Variants in GRK6 observed in about 807,000 individuals in gnomAD.
GRK6 encodes G protein-coupled receptor kinase 6.
In GRK6, 37 loss-of-function variants were observed where a neutral mutation model predicts 80.8. That is an observed-to-expected ratio of 0.46 (90% confidence interval 0.35 to 0.60). GRK6 has a LOEUF of 0.60. GRK6 is among the 20% of genes least tolerant of loss of function. The pLI, the probability that GRK6 is intolerant of heterozygous loss-of-function variation, is 0.00. For missense variants in GRK6, 560 were observed against 784.6 expected (o/e 0.71, Z 3.42); for synonymous variants, 295 against 320.9 (o/e 0.92, Z 0.86).
Position 177,436,381 on chromosome 5 carries a change from C to A in GRK6, c.1267-12C>A, listed in dbSNP as rs1428506352. 6.8e-7 allele frequency: 1 copy of A among 1,461,830 alleles called. No homozygotes were observed. The allele number at this position is 1,461,830 out of a possible 1,614,324, so 90.6% of individuals were successfully genotyped here. The stretch of plus-strand genomic sequence containing the variant: ...CTGCCTGGCCTGCCTGGCCGACTCA[C>A]CCCTGCCACAGCTCCTCTGCAAGGA... On this transcript the variant is annotated splice_polypyrimidine_tract_variant and intron_variant, in intron 12 of 15. Transcript: ENST00000355472.
Position 177,429,121 on chromosome 5 carries a change from T to C in GRK6, c.53-1751T>C, listed in dbSNP as rs1763784023. On this transcript the variant is annotated intron_variant, in intron 1 of 15. Transcript: ENST00000355472. The surrounding 1 kb of genome is among the most constrained non-coding windows in gnomAD (Gnocchi z 4.3). Reference sequence around the variant, plus strand: ...TCTGGGCTTGGTCATCTTGGGTGAATTGATTCCTCACTTCAGAATCTCAGT... The same window carrying C: ...TCTGGGCTTGGTCATCTTGGGTGAACTGATTCCTCACTTCAGAATCTCAGT... Among the ~76,000 whole-genome samples, 1 of 152,120 alleles carries C rather than the reference T, an allele frequency of 6.6e-6. No homozygotes were observed. Among genetic ancestry groups the C allele is most frequent in the South Asian group, 2.1e-4 (1 of 4,830 alleles).
chr5:177,440,654 G>A, intron 13 of GRK6, 46 bp from the exon 14 acceptor site: 2 of 1,606,026 alleles, frequency 1.2e-6, no homozygotes, highest in Non-Finnish European at 1.7e-6. Flanking sequence ...GCCTTCGCGT[G>A]TGCGTGTGTG....
intron 3 of GRK6, 58 bp downstream of exon 3, chr5:177,432,165 G>GC (rs1276314945): frequency 1.2e-6 from 2 of 1,608,566 alleles, no homozygotes; most frequent in African/African-American, 1.3e-5. Context: ...GGCCCCATGT[G>GC]CCCCTCCTCC....
chr5:177,434,624 G>A (rs910370897), intron 9 of GRK6, among the ~76,000 whole-genome samples: 1 of 152,178 alleles, frequency 6.6e-6, no homozygotes, highest in Non-Finnish European at 1.5e-5. Context: ...ACCAAGGGGT[G>A]GAGACTCCTT....
At chr5:177,432,997 G>A (rs1269516035) in intron 5 of GRK6, 150 bp from the exon 6 acceptor site, 1 of 773,406 alleles carries the variant, frequency 1.3e-6, no homozygotes, top group Non-Finnish European at 2.2e-6. Flanking sequence ...CACAGGCTGT[G>A]TGTCTCCCCG....
Position 177,428,928 on chromosome 5 carries a change from T to C in GRK6, c.53-1944T>C, listed in dbSNP as rs1222073050. 6.6e-6 allele frequency among the ~76,000 whole-genome samples: 1 copy of C among 152,120 alleles called. No homozygotes were observed. The highest frequency in any genetic ancestry group is 6.6e-5 in the Admixed American group (1 of 15,264). ...GCCCCTGACGGCTTCTCAAGTGATCTGAGGCCCCAGGTGGGGTTTGGGAAC... is the reference window on the plus strand; with the variant it reads ...GCCCCTGACGGCTTCTCAAGTGATCCGAGGCCCCAGGTGGGGTTTGGGAAC... On this transcript the variant is annotated intron_variant, in intron 1 of 15. Coordinates refer to ENST00000355472, the MANE Select transcript of GRK6 (RefSeq NM_001004106.3). This position sits in a 1 kb window ranked among gnomAD's most constrained non-coding sequence, Gnocchi z 4.1.
intron 1 of GRK6, among the ~76,000 whole-genome samples, chr5:177,430,448 T>G (rs1763839073): frequency 1.3e-5 from 2 of 152,226 alleles, no homozygotes. Flanking sequence ...GGGAGCCTCC[T>G]TGTCCCCATG....
In GRK6 at chr5:177,434,107, G is replaced by T. The variant is rs1472226872; in HGVS notation, c.929+3G>T. On this transcript the variant is annotated splice_donor_region_variant and intron_variant, in intron 9 of 15. Coordinates refer to ENST00000355472, the MANE Select transcript of GRK6 (RefSeq NM_001004106.3). ...CACCGGGAGCGCATCGTGTACAGGT[G>T]GGGAGGGCTCGGCCACCCCAGGGGC... is the stretch of plus-strand genomic sequence containing the variant. 3 of 1,556,912 alleles carry T rather than the reference G, an allele frequency of 1.9e-6. No homozygotes were observed. The highest frequency in any genetic ancestry group is 2.3e-5 in the East Asian group (1 of 44,002).
chr5:177,441,623 C>G (rs1764503666), intron 15 of GRK6, 114 bp from the exon 16 acceptor site: 2 of 894,374 alleles, frequency 2.2e-6, no homozygotes, highest in Middle Eastern at 2.2e-4. Context: ...AGAGTGCACC[C>G]CTCAGGCAGC....
In GRK6 at chr5:177,430,919, C is replaced by T; in HGVS notation, c.100C>T (p.Leu34Phe). The T allele has an allele frequency of 6.2e-7, 1 of 1,614,046 alleles. No individual in the cohort carries two copies. The highest frequency in any genetic ancestry group is 8.5e-7 in the Non-Finnish European group (1 of 1,179,986). ...KGKSKKWRQM[L>F]QFPHISQCEE... is the part of the protein sequence containing the mutation. Reference sequence around the variant, plus strand: ...CAAAAGCAAGAAATGGCGGCAGATGCTCCAGTTCCCTCACATCAGCCAGTG... The same window carrying T: ...CAAAAGCAAGAAATGGCGGCAGATGTTCCAGTTCCCTCACATCAGCCAGTG... Residue 34 changes from leucine (L) to phenylalanine (F), a missense_variant, in exon 2 of 16, where the codon CTC (leucine) becomes TTC (phenylalanine). Leu to Phe is a conservative substitution (Grantham distance 22). This residue lies in a region of GRK6 where 189 missense variants were observed against 230.2 expected (regional missense o/e 0.82). Coordinates refer to ENST00000355472, the MANE Select transcript of GRK6 (RefSeq NM_001004106.3).
intron 15 of GRK6, 102 bp from the exon 16 acceptor site, chr5:177,441,632 GCTC>G (rs1183615488): frequency 1.0e-6 from 1 of 962,320 alleles, no homozygotes; most frequent in African/African-American, 1.6e-5. Flanking sequence ...CCCTCAGGCA[GCTC>G]CTGGCCTGCC....
At chr5:177,433,121 G>A (rs755227916) in intron 5 of GRK6, 26 bp from the exon 6 acceptor site, 3 of 1,600,132 alleles carry the variant, frequency 1.9e-6, no homozygotes, top group East Asian at 2.2e-5. Flanking sequence ...GCTGGCGGGT[G>A]AGCTGGGCCT....
At position 177,432,262 on chromosome 5, in the gene GRK6, G is replaced by A; in HGVS notation, c.291G>A (p.Lys97=). 6.2e-7 allele frequency: 1 copy of A among 1,613,544 alleles called. No homozygotes were observed. ...VAEYEVTPDD[K]RKACGRQLTQ... is the part of the protein sequence containing the mutation. ...AGTATGAAGTGACCCCGGATGACAA[G>A]CGGAAGGCATGTGGGCGGCAGCTAA... is the stretch of plus-strand genomic sequence containing the variant. The change falls in exon 4 of 16, where the codon AAG becomes AAA. Residue 97 remains lysine, a synonymous_variant. Coordinates refer to ENST00000355472, the MANE Select transcript of GRK6 (RefSeq NM_001004106.3).
At position 177,442,019 on chromosome 5, in the gene GRK6, G is replaced by T. The variant is rs1764534260; in HGVS notation, c.*229G>T. 1 of 569,602 alleles carries T rather than the reference G, an allele frequency of 1.8e-6. No individual in the cohort carries two copies. The highest frequency in any genetic ancestry group is 3.1e-6 in the Non-Finnish European group (1 of 321,048). The allele number at this position is 569,602 out of a possible 1,614,324, so 35.3% of individuals were successfully genotyped here. On this transcript the variant is annotated 3_prime_UTR_variant, in exon 16 of 16. Coordinates refer to ENST00000355472, the MANE Select transcript of GRK6 (RefSeq NM_001004106.3). ...CGTCCCTTCAGCTCTTCTCCGTGGA[G>T]CTCGGGGCTTTCTGTATTTATGTAT... is the stretch of plus-strand genomic sequence containing the variant.
chr5:177,433,095 G>T, intron 5 of GRK6, 52 bp from the exon 6 acceptor site: 1 of 1,497,262 alleles, frequency 6.7e-7, no homozygotes, highest in Non-Finnish European at 9.3e-7. Context: ...CAAGCCAAGA[G>T]CCTGAGGTGT....
chr5:177,429,154 T>C lies in GRK6; in HGVS notation c.53-1718T>C, dbSNP rs1294309357. 6.6e-6 allele frequency among the ~76,000 whole-genome samples: 1 copy of C among 152,094 alleles called. No homozygotes were observed. Among genetic ancestry groups the C allele is most frequent in the Non-Finnish European group, 1.5e-5 (1 of 68,008 alleles). On this transcript the variant is annotated intron_variant, in intron 1 of 15. Transcript: ENST00000355472. The surrounding 1 kb of genome is among the most constrained non-coding windows in gnomAD (Gnocchi z 4.3). The stretch of plus-strand genomic sequence containing the variant: ...TCACTTCAGAATCTCAGTTTTCATA[T>C]AAAATTGGGCCTGCTCTGGCAGAGT...
chr5:177,431,737 G>A, intron 2 of GRK6: 1 of 552,228 alleles, frequency 1.8e-6, no homozygotes, highest in South Asian at 2.0e-5. Flanking sequence ...AATGCAGGGA[G>A]GTGGATGGAG....
chr5:177,440,468 C>T (rs1764423464), intron 13 of GRK6, among the ~76,000 whole-genome samples: 1 of 152,236 alleles, frequency 6.6e-6, no homozygotes, highest in Non-Finnish European at 1.5e-5. Flanking sequence ...CACAGCCTCA[C>T]AGTCATTGAG....
chr5:177,429,723 G>A lies in GRK6; in HGVS notation c.53-1149G>A, dbSNP rs1763809598. Among the ~76,000 whole-genome samples the A allele has an allele frequency of 1.3e-5, 2 of 152,232 alleles. No homozygotes were observed. The highest frequency in any genetic ancestry group is 4.8e-5 in the African/African-American group (2 of 41,462). ...AGATGGATACAGGACTAGAAAGCCA[G>A]AGGGGAAACTGAGGCCCAGCATGAG... On this transcript the variant is annotated intron_variant, in intron 1 of 15. Coordinates refer to ENST00000355472, the MANE Select transcript of GRK6 (RefSeq NM_001004106.3). This position sits in a 1 kb window ranked among gnomAD's most constrained non-coding sequence, Gnocchi z 4.3.
Sources: allele counts gnomAD v4.1 joint callset (sites outside exome capture counted in the v4.1 genomes callset), GRCh38; gene constraint gnomAD v4.1.1; regional missense constraint gnomAD v4.1.1; non-coding constraint Gnocchi (gnomAD v3.1); transcripts MANE v1.5; gene names NCBI Gene and HGNC (gene_info 2026-07-23, HGNC 2026-07-21).